ARAP2: variants seen among roughly 807,000 people sequenced by gnomAD.
The protein encoded by ARAP2 is arf-GAP with Rho-GAP domain, ANK repeat and PH domain-containing protein 2.
In ARAP2, 148 loss-of-function variants were observed where a neutral mutation model predicts 194.5. That is an observed-to-expected ratio of 0.76 (90% CI 0.67 to 0.87). ARAP2 has a LOEUF of 0.87. Ranked by LOEUF, ARAP2 falls within the 40% of genes least tolerant of loss-of-function variation. ARAP2 has a pLI of 0.00. For missense variants in ARAP2, 2,128 were observed against 1,989.7 expected (o/e 1.07, Z -1.32); for synonymous variants, 695 against 683.5 (o/e 1.02, Z -0.26).
intron 21 of ARAP2, among the ~76,000 whole-genome samples, chr4:36,127,386 C>T (rs939603437): frequency 6.6e-6 from 1 of 151,982 alleles, no homozygotes; most frequent in Non-Finnish European, 1.5e-5. Flanking sequence ...AAATGAAAGA[C>T]TTCTGAAAGG....
chr4:36,061,066 T>A (rs1458409715), downstream of ARAP2, among the ~76,000 whole-genome samples: 1 of 151,698 alleles, frequency 6.6e-6, no homozygotes, highest in Non-Finnish European at 1.5e-5. Context: ...GTTTTTTAAT[T>A]AAAAAAAAAT....
intron 5 of ARAP2, among the ~76,000 whole-genome samples, chr4:36,022,874 T>G (rs1717247397): frequency 1.3e-5 from 2 of 152,216 alleles, no homozygotes; most frequent in African/African-American, 4.8e-5. Context: ...TTAGAACCTG[T>G]GAGTTCCCTA....
At position 36,242,477 on chromosome 4, in the gene ARAP2, C is replaced by A. The variant is rs143138952; in HGVS notation, c.-160+1702G>T. Among the ~76,000 whole-genome samples, 234 of 152,206 alleles carry A rather than the reference C, an allele frequency of 1.5e-3. 2 individuals are homozygous for A. Among genetic ancestry groups the A allele is most frequent in the African/African-American group, 4.6e-3 (191 of 41,544 alleles). On this transcript the variant is annotated intron_variant, in intron 1 of 32. Transcript: ENST00000303965. The stretch of plus-strand genomic sequence containing the variant: ...TAACAAAACGAAACAACAACAACAA[C>A]AAAAAACTTCTCATATATCATGAAG...
At chr4:36,037,384 T>C (rs1302845407) in intron 5 of ARAP2, among the ~76,000 whole-genome samples, 2 of 152,160 alleles carry the variant, frequency 1.3e-5, no homozygotes, top group Non-Finnish European at 2.9e-5. Context: ...TGTGATGACA[T>C]TAACTAAGCC....
At chr4:36,080,360 A>G (rs1729236332) in intron 30 of ARAP2, 81 bp from the exon 31 acceptor site, 1 of 1,152,114 alleles carries the variant, frequency 8.7e-7, no homozygotes, top group Non-Finnish European at 1.3e-6. Context: ...TGATTTGGTG[A>G]TCAAAAATCT....
At chr4:36,085,850 T>G (rs2109361937) in intron 28 of ARAP2, among the ~76,000 whole-genome samples, 1 of 152,246 alleles carries the variant, frequency 6.6e-6, no homozygotes, top group South Asian at 2.1e-4. Flanking sequence ...TTCCACTTCT[T>G]AAGGCTGTTT....
In ARAP2 at chr4:36,067,927, C is replaced by T. The variant is rs1421449219; in HGVS notation, c.5095G>A (p.Asp1699Asn). The part of the protein sequence containing the change: ...RSRTLPKELQ[D>N]EQILK ...ATTTCCTACTTCAAAATCTGCTCAT[C>T]CTGTAATTCTTTTGGAAGGGTTCTT... The change falls in exon 33 of 33, where the codon GAT (aspartate) becomes AAT (asparagine). Residue 1699 changes from aspartate (D) to asparagine (N), a missense_variant. Physicochemically the swap from Asp to Asn is conservative, Grantham distance 23. Coordinates refer to ENST00000303965, the MANE Select transcript of ARAP2 (RefSeq NM_015230.4). The T allele has an allele frequency of 6.3e-7, 1 of 1,582,698 alleles. No individual in the cohort carries two copies. Among genetic ancestry groups the T allele is most frequent in the South Asian group, 1.2e-5 (1 of 86,772 alleles).
intron 2 of ARAP2, among the ~76,000 whole-genome samples, chr4:36,228,240 G>C (rs1180922302): frequency 6.6e-6 from 1 of 152,174 alleles, no homozygotes; most frequent in Non-Finnish European, 1.5e-5. Flanking sequence ...CTATTGGGGA[G>C]AGAGAGTCAA....
chr4:36,228,402 G>T (rs1041025638), intron 2 of ARAP2, among the ~76,000 whole-genome samples, 180 bp downstream of exon 2: 2 of 152,178 alleles, frequency 1.3e-5, no homozygotes, highest in Non-Finnish European at 2.9e-5. Flanking sequence ...TTATTAGCTG[G>T]AAACAGACTG....
chr4:36,146,118 A>G (rs1245959610), intron 19 of ARAP2, among the ~76,000 whole-genome samples: 1 of 152,004 alleles, frequency 6.6e-6, no homozygotes, highest in Non-Finnish European at 1.5e-5. Flanking sequence ...GTAATTGTTC[A>G]GGTCAAAAAT....
rs1738413033 is a variant in ARAP2 at position 36,178,155 on chromosome 4, A to G, written c.1679-150T>C. The G allele has an allele frequency of 2.3e-5, 15 of 639,682 alleles. No individual in the cohort carries two copies. In the South Asian group the frequency reaches 3.1e-4, roughly 13 times the overall value. The allele number at this position is 639,682 out of a possible 1,614,324, so 39.6% of individuals were successfully genotyped here. On this transcript the variant is annotated intron_variant, in intron 8 of 32. Transcript: ENST00000303965. ...CTAAATGCTACTGTAAACAGAGCCA[A>G]TGACTCAATTCTTTGAGGGAAAAGG... is the stretch of plus-strand genomic sequence containing the variant.
intron 31 of ARAP2, among the ~76,000 whole-genome samples, chr4:36,079,343 AG>A (rs1728985150): frequency 6.6e-6 from 1 of 152,144 alleles, no homozygotes; most frequent in Non-Finnish European, 1.5e-5. Context: ...CCACTGAAAA[AG>A]TTAATACATT....
intron 5 of ARAP2, among the ~76,000 whole-genome samples, 193 bp downstream of exon 5, chr4:36,212,203 A>T (rs1024215420): frequency 9.2e-5 from 14 of 152,014 alleles, no homozygotes; most frequent in Admixed American, 7.2e-4. Flanking sequence ...GAATGCAACT[A>T]TTTACTTGAT....
intron 19 of ARAP2, among the ~76,000 whole-genome samples, chr4:36,142,983 T>A (rs1728706414): frequency 6.6e-6 from 1 of 151,742 alleles, no homozygotes; most frequent in Non-Finnish European, 1.5e-5. Context: ...AAACTCATTA[T>A]CTCCCAGGCT....
chr4:36,222,498 A>G (rs907560078), intron 2 of ARAP2, among the ~76,000 whole-genome samples: 1 of 151,924 alleles, frequency 6.6e-6, no homozygotes, highest in African/African-American at 2.4e-5. Flanking sequence ...AAAAATCACA[A>G]AAATAGTAAG....
rs1724513841 is a variant in ARAP2 at position 36,128,477 on chromosome 4, T to TACACACACACACTC, written c.3640+55_3640+56insGAGTGTGTGTGTGT. ...CAAGCATGTATTATGGTCTATATTA[T>TACACACACACACTC]ACACACACACACACACACACACACA... is the stretch of plus-strand genomic sequence containing the variant. On this transcript the variant is annotated intron_variant, in intron 21 of 32. Coordinates refer to ENST00000303965, the MANE Select transcript of ARAP2 (RefSeq NM_015230.4). 5.3e-6 allele frequency: 5 copies of TACACACACACACTC among 947,544 alleles called. No homozygotes were observed. In the South Asian group the frequency reaches 7.4e-5, roughly 14 times the overall value. 58.7% of individuals were successfully genotyped at this position (947,544 alleles called of 1,614,324 possible).
chr4:36,008,969 G>A (rs1713875927), intron 9 of ARAP2, among the ~76,000 whole-genome samples: 1 of 152,076 alleles, frequency 6.6e-6, no homozygotes, highest in Admixed American at 6.6e-5. Flanking sequence ...TTAATCATCA[G>A]AGAAATACAA....
chr4:36,160,557 G>C lies in ARAP2; in HGVS notation c.2344C>G (p.Pro782Ala), dbSNP rs768388730. 1 of 1,565,154 alleles carries C rather than the reference G, an allele frequency of 6.4e-7. No individual in the cohort carries two copies. Among genetic ancestry groups the C allele is most frequent in the East Asian group, 2.4e-5 (1 of 41,780 alleles). ...ATAAAGTTTTTTCTCTTTTCTACTG[G>C]TGAGTCCATATGTAATTCTTCATCC... ...QKDEELHMDS[P>A]VEKRKNFITQ... Residue 782 changes from proline (P) to alanine (A), a missense_variant, in exon 13 of 33, where the codon CCA becomes GCA. By Grantham distance (27) the Pro-to-Ala change is conservative. Transcript: ENST00000303965.
chr4:36,125,074 G>T, intron 21 of ARAP2, 107 bp from the exon 22 acceptor site: 1 of 639,276 alleles, frequency 1.6e-6, no homozygotes, highest in Non-Finnish European at 2.7e-6. Flanking sequence ...CATTTTAATA[G>T]GTGATACAAT....
Sources: gnomAD v4.1 joint callset for allele counts (sites outside exome capture counted in the v4.1 genomes callset) on GRCh38, gnomAD v4.1.1 for gene constraint, MANE v1.5 for transcripts, NCBI Gene and HGNC (gene_info 2026-07-23, HGNC 2026-07-21) for gene names.